STK39: variants seen among roughly 807,000 people sequenced by gnomAD.
The protein encoded by STK39 is STE20/SPS1-related proline-alanine-rich protein kinase.
In STK39, 20 loss-of-function variants were observed where a neutral mutation model predicts 77.8. The ratio of observed to expected loss-of-function variants is 0.26; its 90% CI spans 0.18 to 0.37. The LOEUF (loss-of-function observed/expected upper bound fraction) is 0.37. STK39 is among the 10% of genes least tolerant of loss of function. The pLI is 1.00. For synonymous variants in STK39, 246 were observed against 234.1 expected, an observed-to-expected ratio of 1.05 and a Z score of -0.47; for missense variants, 479 against 656.5, an observed-to-expected ratio of 0.73 and a Z score of 2.95.
At chr2:167,976,834 CCTT>C (rs1240418367) in intron 16 of STK39, among the ~76,000 whole-genome samples, 1 of 152,194 alleles carries the variant, frequency 6.6e-6, no homozygotes, top group African/African-American at 2.4e-5. Flanking sequence ...CATAATAACT[CCTT>C]CTCCTGTGTG....
intron 10 of STK39, among the ~76,000 whole-genome samples, chr2:168,109,681 A>G (rs1687071051): frequency 6.6e-6 from 1 of 152,218 alleles, no homozygotes; most frequent in Non-Finnish European, 1.5e-5. Flanking sequence ...CACTACTACC[A>G]GCTGTTATAA....
At chr2:167,957,621 A>C (rs1691823906) in intron 17 of STK39, among the ~76,000 whole-genome samples, 1 of 152,188 alleles carries the variant, frequency 6.6e-6, no homozygotes, top group African/African-American at 2.4e-5. Context: ...CAAACATCCA[A>C]AGACAAACTA....
chr2:168,153,058 G>T (rs79052247), intron 5 of STK39, among the ~76,000 whole-genome samples: 136 of 152,284 alleles, frequency 8.9e-4, no homozygotes, highest in African/African-American at 3.0e-3. Flanking sequence ...GTTTTACAAA[G>T]TTTTCAGAAG....
At chr2:167,983,227 C>G (rs1683468152) in intron 16 of STK39, among the ~76,000 whole-genome samples, 1 of 151,990 alleles carries the variant, frequency 6.6e-6, no homozygotes, top group African/African-American at 2.4e-5. Context: ...TGACTGTAAT[C>G]CCAGCACTTT....
At position 168,044,221 on chromosome 2, in the gene STK39, T is replaced by C. The variant is rs552431922; in HGVS notation, c.1376+19279A>G. ...TGAGTATATCACGGGTATTGTCACT[T>C]TAACAGCAGAGATAACCTCCCTTTA... On this transcript the variant is annotated intron_variant, in intron 14 of 17. Transcript: ENST00000355999. Among the ~76,000 whole-genome samples the C allele has an allele frequency of 1.1e-4, 17 of 152,338 alleles. No homozygotes were observed. In the East Asian group the frequency reaches 2.5e-3, roughly 22 times the overall value.
chr2:168,060,363 C>T (rs1685633353), intron 14 of STK39, among the ~76,000 whole-genome samples: 1 of 152,146 alleles, frequency 6.6e-6, no homozygotes, highest in Non-Finnish European at 1.5e-5. Context: ...TTTAGGTGAG[C>T]TCATGAGGGT....
At chr2:168,085,442 T>C (rs994833160) in intron 10 of STK39, among the ~76,000 whole-genome samples, 2 of 152,202 alleles carry the variant, frequency 1.3e-5, no homozygotes, top group Admixed American at 1.3e-4. Context: ...CCTGAGTGTA[T>C]GTCCAGCAGA....
intron 14 of STK39, among the ~76,000 whole-genome samples, chr2:168,050,898 G>A (rs532137100): frequency 2.6e-5 from 4 of 152,322 alleles, no homozygotes; most frequent in Admixed American, 2.6e-4. Context: ...ACAACTGTAT[G>A]AATTTTACCA....
At chr2:168,151,857 A>G (rs1053267839) in intron 5 of STK39, among the ~76,000 whole-genome samples, 3 of 152,210 alleles carry the variant, frequency 2.0e-5, no homozygotes, top group Non-Finnish European at 4.4e-5. Context: ...AGGGACAAAA[A>G]GAATAAGTGG....
intron 16 of STK39, among the ~76,000 whole-genome samples, chr2:168,001,008 C>G (rs1683985397): frequency 6.6e-6 from 1 of 152,174 alleles, no homozygotes; most frequent in Non-Finnish European, 1.5e-5. Flanking sequence ...TTACTTGTGT[C>G]AGAAGGGTAC....
In STK39 at chr2:168,088,035, T is replaced by G. The variant is rs140686854; in HGVS notation, c.1090-12804A>C. ...CCTTGGAAAACCTTCTGTCAAGAACTACGTCTGCTTAGGGATTAATGACCC... is the reference window on the plus strand; with the variant it reads ...CCTTGGAAAACCTTCTGTCAAGAACGACGTCTGCTTAGGGATTAATGACCC... On this transcript the variant is annotated intron_variant, in intron 10 of 17. Coordinates refer to ENST00000355999, the MANE Select transcript of STK39 (RefSeq NM_013233.3). Among the ~76,000 whole-genome samples, 271 of 149,518 alleles carry G rather than the reference T, an allele frequency of 1.8e-3. 1 individual carries two copies. Among genetic ancestry groups the G allele is most frequent in the African/African-American group, 6.1e-3 (253 of 41,238 alleles).
chr2:168,147,235 T>C (rs796146103), intron 5 of STK39, among the ~76,000 whole-genome samples: 87 of 152,304 alleles, frequency 5.7e-4, no homozygotes, highest in African/African-American at 1.7e-3. Flanking sequence ...TTGGTTTGAT[T>C]CCCAGTTGTT....
intron 10 of STK39, among the ~76,000 whole-genome samples, chr2:168,110,006 C>T (rs935636): frequency 0.38 from 56,988 of 151,900 alleles, 11,591 homozygotes; most frequent in South Asian, 0.48. Context: ...ATTACATTAA[C>T]GGTATCCTCT....
intron 10 of STK39, among the ~76,000 whole-genome samples, chr2:168,075,437 T>A (rs1686055215): frequency 6.6e-6 from 1 of 152,182 alleles, no homozygotes; most frequent in East Asian, 1.9e-4. Flanking sequence ...ATGCTGTGTT[T>A]TTTGAAATGC....
chr2:168,095,689 C>T (rs1480050121), intron 10 of STK39, among the ~76,000 whole-genome samples: 3 of 141,176 alleles, frequency 2.1e-5, no homozygotes, highest in Admixed American at 7.6e-5. Flanking sequence ...TGCAGTGGCG[C>T]GATCTCAGCT....
chr2:168,239,363 G>A (rs1690700790), intron 1 of STK39, among the ~76,000 whole-genome samples: 2 of 152,230 alleles, frequency 1.3e-5, no homozygotes, highest in Non-Finnish European at 2.9e-5. Context: ...AACTGTGGCA[G>A]GGAGCTCTGG....
At chr2:168,216,624 G>A (rs1252297109) in intron 1 of STK39, among the ~76,000 whole-genome samples, 1 of 152,126 alleles carries the variant, frequency 6.6e-6, no homozygotes, top group African/African-American at 2.4e-5. Flanking sequence ...GTGGCAAATC[G>A]CCATCCTCAG....
At chr2:168,163,026 CA>C (rs11371654) in intron 4 of STK39, among the ~76,000 whole-genome samples, 26 of 132,198 alleles carry the variant, frequency 2.0e-4, no homozygotes, top group East Asian at 6.2e-4. Context: ...GACTCTGTCT[CA>C]AAAAAAAAAA....
intron 16 of STK39, among the ~76,000 whole-genome samples, chr2:168,004,908 TCCCAGATAA>T (rs1478621887): frequency 6.7e-6 from 1 of 150,188 alleles, no homozygotes; most frequent in Non-Finnish European, 1.5e-5. Flanking sequence ...TTAATAAGCA[TCCCAGATAA>T]GACAGGCATC....
Sources: allele counts gnomAD v4.1 joint callset (sites outside exome capture counted in the v4.1 genomes callset), GRCh38; gene constraint gnomAD v4.1.1; transcripts MANE v1.5; gene names NCBI Gene and HGNC (gene_info 2026-07-23, HGNC 2026-07-21).